The following DYNC1I1 variants were observed in gnomAD, a reference collection of about 807,000 sequenced individuals.
DYNC1I1 encodes cytoplasmic dynein 1 intermediate chain 1.
A neutral mutation model predicts 86.6 loss-of-function variants in DYNC1I1; 43 were observed. The observed-to-expected ratio is 0.50, with a 90% CI of 0.39 to 0.64. The LOEUF (loss-of-function observed/expected upper bound fraction) is 0.64, where lower values mean the gene tolerates loss of function less well. Ranked by LOEUF, DYNC1I1 falls within the 30% of genes least tolerant of loss-of-function variation. DYNC1I1 has a pLI of 0.00. For missense variants in DYNC1I1, 604 were observed against 788.8 expected, an observed-to-expected ratio of 0.77 and a Z score of 2.81; for synonymous variants, 262 against 283.7, an observed-to-expected ratio of 0.92 and a Z score of 0.77.
chr7:95,795,629 C>T (rs537138895), intron 1 of DYNC1I1, among the ~76,000 whole-genome samples: 6 of 152,078 alleles, frequency 3.9e-5, no homozygotes, highest in East Asian at 1.9e-4. Flanking sequence ...AGCAAACTAA[C>T]GCAGGAATGG....
At chr7:95,928,922 G>C (rs1791816125) in intron 6 of DYNC1I1, among the ~76,000 whole-genome samples, 1 of 152,152 alleles carries the variant, frequency 6.6e-6, no homozygotes, top group Non-Finnish European at 1.5e-5. Flanking sequence ...ATTACTATGT[G>C]AGCCTGGCTT....
chr7:96,095,862 A>G (rs1175448272), intron 16 of DYNC1I1, among the ~76,000 whole-genome samples: 1 of 152,150 alleles, frequency 6.6e-6, no homozygotes, highest in Non-Finnish European at 1.5e-5. Flanking sequence ...GAATATAGGA[A>G]AAGAGTCCAA....
intron 5 of DYNC1I1, among the ~76,000 whole-genome samples, chr7:95,861,603 G>A (rs1310988127): frequency 7.3e-6 from 1 of 137,828 alleles, no homozygotes; most frequent in Non-Finnish European, 1.6e-5. Context: ...AAGTAGTACA[G>A]CTCTCTTTTT....
At chr7:95,980,488 T>G in intron 7 of DYNC1I1, among the ~76,000 whole-genome samples, 1 of 150,930 alleles carries the variant, frequency 6.6e-6, no homozygotes, top group East Asian at 2.0e-4. Flanking sequence ...GGGCTGAAAC[T>G]TGACATACAC....
At chr7:96,083,720 T>G (rs1301780259) in intron 16 of DYNC1I1, among the ~76,000 whole-genome samples, 4 of 152,146 alleles carry the variant, frequency 2.6e-5, no homozygotes, top group Non-Finnish European at 4.4e-5. Flanking sequence ...AAAGAGCTAT[T>G]CAAGAAGAAA....
At chr7:95,978,986 G>T (rs531626911) in intron 7 of DYNC1I1, among the ~76,000 whole-genome samples, 5 of 152,234 alleles carry the variant, frequency 3.3e-5, no homozygotes, top group Admixed American at 3.3e-4. Context: ...AGTAGAGACG[G>T]GGTTTCACCA....
At chr7:96,042,478 A>G (rs1197170336) in intron 14 of DYNC1I1, among the ~76,000 whole-genome samples, 1 of 152,230 alleles carries the variant, frequency 6.6e-6, no homozygotes, top group East Asian at 1.9e-4. Context: ...CAGGGATCCC[A>G]GAAGAAATTA....
chr7:96,077,441 G>A (rs1790379775), intron 15 of DYNC1I1, among the ~76,000 whole-genome samples: 1 of 152,126 alleles, frequency 6.6e-6, no homozygotes, highest in Admixed American at 6.5e-5. Context: ...AATGAGTTAG[G>A]TAATGAAGCA....
At chr7:95,979,717 T>A (rs1245621309) in intron 7 of DYNC1I1, among the ~76,000 whole-genome samples, 1 of 152,216 alleles carries the variant, frequency 6.6e-6, no homozygotes, top group African/African-American at 2.4e-5. Flanking sequence ...AGAAGTTCAA[T>A]CGTTGTCAAG....
chr7:95,901,354 A>G lies in DYNC1I1; in HGVS notation c.490+31356A>G, dbSNP rs549431374. ...GTACAGGCTGTAGTAAAAGGGACAG[A>G]GTTCTCTGCATGTGTAGTAGAATGT... is the stretch of plus-strand genomic sequence containing the variant. On this transcript the variant is annotated intron_variant, in intron 6 of 16. Coordinates refer to ENST00000447467, the MANE Select transcript of DYNC1I1 (RefSeq NM_001135556.2). Among the ~76,000 whole-genome samples the G allele has an allele frequency of 9.8e-5, 15 of 152,344 alleles. 1 individual carries two copies. The South Asian group carries it at 3.1e-3, about 32-fold the overall frequency.
At position 96,089,580 on chromosome 7, in the gene DYNC1I1, C is replaced by T. The variant is rs571810354; in HGVS notation, c.1777-7903C>T. ...TTCCCCCCAATCTCTTTCCCAGTTTCCCTCCCCTCCTGTGCTTTTAAAAGT... is the reference window on the plus strand; with the variant it reads ...TTCCCCCCAATCTCTTTCCCAGTTTTCCTCCCCTCCTGTGCTTTTAAAAGT... On this transcript the variant is annotated intron_variant, in intron 16 of 16. Coordinates refer to ENST00000447467, the MANE Select transcript of DYNC1I1 (RefSeq NM_001135556.2). Among the ~76,000 whole-genome samples the T allele has an allele frequency of 9.9e-5, 15 of 152,214 alleles. No homozygotes were observed. In the South Asian group the frequency reaches 3.1e-3, roughly 32 times the overall value.
At chr7:96,082,515 C>T (rs1790555053) in intron 16 of DYNC1I1, among the ~76,000 whole-genome samples, 1 of 152,104 alleles carries the variant, frequency 6.6e-6, no homozygotes, top group Non-Finnish European at 1.5e-5. Flanking sequence ...TATTTTATCC[C>T]TCTTTGTTGT....
intron 15 of DYNC1I1, among the ~76,000 whole-genome samples, chr7:96,077,443 A>G (rs922254487): frequency 4.6e-5 from 7 of 152,220 alleles, no homozygotes; most frequent in Non-Finnish European, 7.3e-5. Flanking sequence ...TGAGTTAGGT[A>G]ATGAAGCATC....
intron 4 of DYNC1I1, among the ~76,000 whole-genome samples, chr7:95,815,955 A>G (rs992211771): frequency 6.6e-6 from 1 of 152,090 alleles, no homozygotes; most frequent in African/African-American, 2.4e-5. Flanking sequence ...GGCCTACTCA[A>G]TGTACTTTAT....
chr7:95,803,287 C>G (rs953756936), intron 1 of DYNC1I1, among the ~76,000 whole-genome samples: 9 of 152,232 alleles, frequency 5.9e-5, no homozygotes, highest in African/African-American at 2.2e-4. Flanking sequence ...TGCATGTCCA[C>G]AAATTTGAGC....
intron 6 of DYNC1I1, among the ~76,000 whole-genome samples, chr7:95,956,397 ATTATAC>A: frequency 1.2e-5 from 1 of 81,816 alleles, no homozygotes; most frequent in South Asian, 3.7e-4. Context: ...TTTTTTTTTT[ATTATAC>A]TTTAAGTTCT....
intron 5 of DYNC1I1, among the ~76,000 whole-genome samples, chr7:95,868,561 T>A (rs1462472453): frequency 6.6e-6 from 1 of 151,982 alleles, no homozygotes; most frequent in Admixed American, 6.6e-5. Context: ...TATACCTTTT[T>A]TTTCTTTTTC....
chr7:95,962,888 C>T (rs1015009695), intron 6 of DYNC1I1, among the ~76,000 whole-genome samples: 13 of 152,216 alleles, frequency 8.5e-5, no homozygotes, highest in African/African-American at 3.1e-4. Context: ...TCCTTAGAAC[C>T]CTCTTTTGAC....
intron 6 of DYNC1I1, among the ~76,000 whole-genome samples, chr7:95,892,146 T>C (rs1456034723): frequency 1.3e-5 from 2 of 151,740 alleles, no homozygotes; most frequent in African/African-American, 2.4e-5. Context: ...TTTTTCTTTT[T>C]TTTAAATTGA....
Sources: gnomAD v4.1 joint callset for allele counts (sites outside exome capture counted in the v4.1 genomes callset) on GRCh38, gnomAD v4.1.1 for gene constraint, MANE v1.5 for transcripts, NCBI Gene and HGNC (gene_info 2026-07-23, HGNC 2026-07-21) for gene names.